SCNN1A: variants seen among roughly 807,000 people sequenced by gnomAD.
The protein encoded by SCNN1A is sodium channel epithelial 1 subunit alpha, also known as epithelial sodium channel subunit alpha.
SCNN1A carries 65 observed loss-of-function variants against 68.6 expected under a neutral mutation model. That is an observed-to-expected ratio of 0.95 (90% CI 0.78 to 1.16). The LOEUF (loss-of-function observed/expected upper bound fraction) is 1.16. SCNN1A is among the 50% of genes most tolerant of loss of function. The pLI, the probability that SCNN1A is intolerant of heterozygous loss-of-function variation, is 0.00. For synonymous variants in SCNN1A, 357 were observed against 353.3 expected (o/e 1.01, Z -0.12); for missense variants, 880 against 865.9 (o/e 1.02, Z -0.20).
intron 2 of SCNN1A, among the ~76,000 whole-genome samples, chr12:6,365,490 C>A (rs12312293): frequency 0.048 from 7,248 of 152,238 alleles, 409 homozygotes; most frequent in African/African-American, 0.13. Context: ...CAATGCGGTT[C>A]TTGGTAAGGA....
At chr12:6,371,619 G>C (rs1433778127) in intron 2 of SCNN1A, among the ~76,000 whole-genome samples, 1 of 151,540 alleles carries the variant, frequency 6.6e-6, no homozygotes, top group Non-Finnish European at 1.5e-5. Context: ...ACCACTTGTT[G>C]TCTGTCTGAA....
intron 6 of SCNN1A, 49 bp from the exon 7 acceptor site, chr12:6,354,897 T>C (rs759343559): frequency 2.7e-6 from 4 of 1,456,064 alleles, no homozygotes; most frequent in Non-Finnish European, 3.9e-6. Flanking sequence ...CAAGTGCCTC[T>C]GGGTTCTCTG....
At chr12:6,363,822 G>T in intron 2 of SCNN1A, 112 bp from the exon 3 acceptor site, 1 of 1,086,824 alleles carries the variant, frequency 9.2e-7, no homozygotes, top group Non-Finnish European at 1.3e-6. Flanking sequence ...TCCCGGAGAA[G>T]CCTGGGCGGG....
intron 8 of SCNN1A, 42 bp from the exon 9 acceptor site, chr12:6,349,447 G>C: frequency 7.0e-7 from 1 of 1,428,992 alleles, no homozygotes; most frequent in East Asian, 2.5e-5. Context: ...GGGCACCTCA[G>C]CTTTCTCTAC....
At chr12:6,360,325 G>A (rs893237772) in intron 4 of SCNN1A, among the ~76,000 whole-genome samples, 1 of 152,042 alleles carries the variant, frequency 6.6e-6, no homozygotes, top group African/African-American at 2.4e-5. Flanking sequence ...TTGAGGGGGA[G>A]GCAGGCACAC....
chr12:6,348,625 G>A lies in SCNN1A; in HGVS notation c.1629+102C>T. ...TTTGGTCCCCTGCCTTTGAGACTCA[G>A]AGCCTTCTGGCCCACAGAGACAACC... On this transcript the variant is annotated intron_variant, in intron 12 of 12. Coordinates refer to ENST00000228916, the MANE Select transcript of SCNN1A (RefSeq NM_001038.6). 5 of 1,060,194 alleles carry A rather than the reference G, an allele frequency of 4.7e-6. No homozygotes were observed. In the Admixed American group the frequency reaches 8.8e-5, roughly 19 times the overall value. 65.7% of individuals were successfully genotyped at this position (1,060,194 alleles called of 1,614,324 possible). A position where few individuals can be genotyped will look rare whatever the true frequency, so the allele number is the denominator to read the frequency against.
At chr12:6,359,325 G>C (rs953094947) in intron 4 of SCNN1A, among the ~76,000 whole-genome samples, 1 of 151,554 alleles carries the variant, frequency 6.6e-6, no homozygotes, top group African/African-American at 2.4e-5. Flanking sequence ...GGGAGGAAAG[G>C]GGTGAGAAAG....
chr12:6,352,259 A>G (rs1948401034), intron 8 of SCNN1A, among the ~76,000 whole-genome samples: 1 of 150,554 alleles, frequency 6.6e-6, no homozygotes, highest in Non-Finnish European at 1.5e-5. Context: ...TAATAATGGA[A>G]CTGTAGATTC....
chr12:6,359,764 CTTTTTTTTTTT>C (rs59652159), intron 4 of SCNN1A, among the ~76,000 whole-genome samples: 5 of 76,946 alleles, frequency 6.5e-5, no homozygotes, highest in East Asian at 4.3e-4. Context: ...TCAGATATTC[CTTTTTTTTTTT>C]TTTTTTTTTT....
intron 8 of SCNN1A, 21 bp downstream of exon 8, chr12:6,354,417 G>C (rs772024224): frequency 6.5e-7 from 1 of 1,536,120 alleles, no homozygotes; most frequent in Non-Finnish European, 9.0e-7. Context: ...GGGGCAGGGT[G>C]GGGGCTCCCT....
At chr12:6,358,719 G>T (rs542398350) in intron 4 of SCNN1A, among the ~76,000 whole-genome samples, 4 of 152,120 alleles carry the variant, frequency 2.6e-5, no homozygotes, top group Non-Finnish European at 4.4e-5. Flanking sequence ...AATTAGCTGG[G>T]CATGGTGGCA....
At position 6,349,382 on chromosome 12, in the gene SCNN1A, C is replaced by A; in HGVS notation, c.1384G>T (p.Val462Phe). The A allele has an allele frequency of 6.2e-7, 1 of 1,603,582 alleles. No homozygotes were observed. Among genetic ancestry groups the A allele is most frequent in the Non-Finnish European group, 8.5e-7 (1 of 1,174,728 alleles). ...CCCAGGTGGTCTGAGGAGAAGTCAACCTGGAGCTTATAGTAGCAGTACCCT... is the reference window on the plus strand; with the variant it reads ...CCCAGGTGGTCTGAGGAGAAGTCAAACTGGAGCTTATAGTAGCAGTACCCT... Reference protein sequence around the residue: ...SWGYCYYKLQVDFSSDHLGCF... With the variant: ...SWGYCYYKLQFDFSSDHLGCF... Residue 462 changes from valine to phenylalanine, a missense_variant, in exon 9 of 13, where the codon GTT becomes TTT. Val to Phe is a conservative substitution (Grantham distance 50). Transcript: ENST00000228916.
intron 6 of SCNN1A, 141 bp downstream of exon 6, chr12:6,355,131 T>C: frequency 2.1e-6 from 2 of 967,276 alleles, no homozygotes; most frequent in East Asian, 5.2e-5. Context: ...CCAGCCCCTC[T>C]GCCCCTCATT....
intron 4 of SCNN1A, among the ~76,000 whole-genome samples, chr12:6,360,783 C>CT (rs1446332945): frequency 1.2e-3 from 190 of 152,002 alleles, no homozygotes; most frequent in Middle Eastern, 3.4e-3. Context: ...AGAAGGGGAC[C>CT]CCCCCCTCGC....
intron 12 of SCNN1A, 112 bp from the exon 13 acceptor site, chr12:6,348,365 C>A: frequency 6.4e-7 from 1 of 1,572,616 alleles, no homozygotes; most frequent in East Asian, 2.3e-5. Flanking sequence ...TGAAGACCCC[C>A]GAGTCCTCTC....
rs1308121031 is a variant in SCNN1A, at chr12:6,347,343, A to G, written c.*530T>C. ...TAGCCCTAGCCCTCGGGAGTCAGGG[A>G]AGGGGAATTGCCTAAGTAACAAAGG... On this transcript the variant is annotated 3_prime_UTR_variant, in exon 13 of 13. Transcript: ENST00000228916. 6.0e-6 allele frequency: 1 copy of G among 165,878 alleles called. No individual in the cohort carries two copies. Among genetic ancestry groups the G allele is most frequent in the Admixed American group, 5.6e-5 (1 of 17,810 alleles). 10.3% of individuals were successfully genotyped at this position (165,878 alleles called of 1,614,324 possible).
intron 6 of SCNN1A, 59 bp downstream of exon 6, chr12:6,355,213 C>T: frequency 6.4e-7 from 1 of 1,568,184 alleles, no homozygotes; most frequent in South Asian, 1.2e-5. Context: ...CCCATGCCTC[C>T]CCGCTGCCCC....
chr12:6,373,130 CT>C (rs965396427), intron 2 of SCNN1A, among the ~76,000 whole-genome samples: 31 of 149,940 alleles, frequency 2.1e-4, no homozygotes, highest in East Asian at 3.9e-4. Context: ...AATGACCTGG[CT>C]TTTTTTTTTC....
intron 8 of SCNN1A, chr12:6,349,820 G>GGA: frequency 5.0e-6 from 1 of 201,462 alleles, no homozygotes; most frequent in Admixed American, 5.3e-5. Flanking sequence ...TCCGCCTCCC[G>GGA]GGTTCATACC....
Sources: allele counts gnomAD v4.1 joint callset (sites outside exome capture counted in the v4.1 genomes callset), GRCh38; gene constraint gnomAD v4.1.1; transcripts MANE v1.5; gene names NCBI Gene and HGNC (gene_info 2026-07-23, HGNC 2026-07-21).